Variants in EHMT1 observed in about 807,000 individuals in gnomAD.
EHMT1 encodes histone-lysine N-methyltransferase EHMT1.
Under a neutral mutation model 147.2 loss-of-function variants are expected in EHMT1, and 15 were observed. The ratio of observed to expected loss-of-function variants is 0.10; its 90% CI spans 0.07 to 0.16. The LOEUF is 0.16. Ranked by LOEUF, EHMT1 falls within the 10% of genes least tolerant of loss-of-function variation. EHMT1 has a pLI of 1.00. For missense variants in EHMT1, 1,587 were observed against 1,772.4 expected, an observed-to-expected ratio of 0.90 and a Z score of 1.88; for synonymous variants, 795 against 709.6, an observed-to-expected ratio of 1.12 and a Z score of -1.91.
intron 6 of EHMT1, among the ~76,000 whole-genome samples, chr9:137,750,792 C>T (rs1381949205): frequency 1.3e-5 from 2 of 152,216 alleles, no homozygotes; most frequent in African/African-American, 4.8e-5. Flanking sequence ...GGGACGCTTA[C>T]TCAGGAGCGC....
At chr9:137,688,739 C>A (rs1352714488) in intron 1 of EHMT1, among the ~76,000 whole-genome samples, 1 of 152,168 alleles carries the variant, frequency 6.6e-6, no homozygotes, top group Non-Finnish European at 1.5e-5. Flanking sequence ...TTCTCATGCA[C>A]ACGTTTGTAT....
intron 23 of EHMT1, chr9:137,816,613 G>A (rs1165117448): frequency 1.2e-5 from 2 of 173,250 alleles, no homozygotes; most frequent in East Asian, 1.5e-4. Flanking sequence ...CCTGGATTCT[G>A]GTCTTGAGCA....
chr9:137,781,222 T>C (rs79369805), intron 14 of EHMT1, among the ~76,000 whole-genome samples: 296 of 8,384 alleles, frequency 0.035, 15 homozygotes, highest in East Asian at 0.09. Context: ...GTGACGACGC[T>C]GGGACGTGTG....
intron 16 of EHMT1, among the ~76,000 whole-genome samples, chr9:137,796,192 G>A (rs1015220615): frequency 4.6e-5 from 7 of 152,322 alleles, no homozygotes; most frequent in African/African-American, 1.4e-4. Flanking sequence ...GGCAAATTAC[G>A]AAGCCTGGAA....
chr9:137,631,560 A>AT (rs1489046697), intron 1 of EHMT1, among the ~76,000 whole-genome samples: 2 of 152,152 alleles, frequency 1.3e-5, no homozygotes, highest in Non-Finnish European at 1.5e-5. Context: ...GGCAGACCAC[A>AT]TACATGAAGG....
chr9:137,802,962 AAG>A (rs1953626441), intron 18 of EHMT1: 1 of 1,232,214 alleles, frequency 8.1e-7, no homozygotes, highest in Non-Finnish European at 1.0e-6. Context: ...ACCTTGGAGG[AAG>A]AGAGGAGGGA....
chr9:137,694,075 G>T (rs1262404196), intron 1 of EHMT1, among the ~76,000 whole-genome samples: 2 of 75,344 alleles, frequency 2.7e-5, no homozygotes, highest in African/African-American at 5.6e-5. Context: ...CAGGACGCTG[G>T]CCGATACCCC....
At chr9:137,658,676 G>A (rs182444911) in intron 1 of EHMT1, among the ~76,000 whole-genome samples, 6 of 151,558 alleles carry the variant, frequency 4.0e-5, no homozygotes, top group Non-Finnish European at 7.4e-5. Flanking sequence ...GCAGTGGTGC[G>A]ACGTTGGCTC....
At chr9:137,818,241 T>C (rs1412372918) in intron 25 of EHMT1, 103 bp downstream of exon 25, 1 of 1,303,936 alleles carries the variant, frequency 7.7e-7, no homozygotes, top group Admixed American at 1.7e-5. Context: ...GCTCTTACTG[T>C]TGACAAGAGT....
At chr9:137,689,241 C>T (rs1942727002) in intron 1 of EHMT1, among the ~76,000 whole-genome samples, 1 of 152,174 alleles carries the variant, frequency 6.6e-6, no homozygotes, top group African/African-American at 2.4e-5. Context: ...CAATGGATCC[C>T]ACCTCCTCCT....
chr9:137,682,473 A>G (rs1039184582), intron 1 of EHMT1, among the ~76,000 whole-genome samples: 1 of 152,128 alleles, frequency 6.6e-6, no homozygotes, highest in Non-Finnish European at 1.5e-5. Flanking sequence ...CTTAGCCTGA[A>G]CTAGCCAAGT....
intron 1 of EHMT1, among the ~76,000 whole-genome samples, chr9:137,624,781 A>G (rs1483533750): frequency 6.6e-6 from 1 of 150,510 alleles, no homozygotes; most frequent in Non-Finnish European, 1.5e-5. Flanking sequence ...CTGTTTTTGT[A>G]GAGACAGGGC....
intron 9 of EHMT1, among the ~76,000 whole-genome samples, chr9:137,759,133 A>C (rs1035832522): frequency 1.3e-5 from 2 of 152,188 alleles, no homozygotes; most frequent in African/African-American, 4.8e-5. Flanking sequence ...TCAATTAAAA[A>C]AAAAACAAAA....
At position 137,752,334 on chromosome 9, in the gene EHMT1, G is replaced by T; in HGVS notation, c.1174G>T (p.Asp392Tyr). 6.2e-7 allele frequency: 1 copy of T among 1,614,210 alleles called. No individual in the cohort carries two copies. Residue 392 changes from aspartate to tyrosine, a missense_variant, in exon 7 of 27, where the codon GAC (aspartate) becomes TAC (tyrosine). Physicochemically the swap from Asp to Tyr is radical, Grantham distance 160. This residue lies in a region of EHMT1 where 810 missense variants were observed against 673.0 expected (regional missense o/e 1.20). Coordinates refer to ENST00000460843, the MANE Select transcript of EHMT1 (RefSeq NM_024757.5). ...MSEADRAQKM[D>Y]GESEEEQESV... ...CTTCGACTGTGTGGCTGATCAGATG[G>T]ACGGGGAGTCCGAGGAGGAGCAGGA...
At chr9:137,834,740 C>T in intron 26 of EHMT1, 33 bp from the exon 27 acceptor site, 3 of 1,613,278 alleles carry the variant, frequency 1.9e-6, no homozygotes, top group Non-Finnish European at 2.5e-6. Flanking sequence ...CGGTGGGATT[C>T]GACTTGGAGC....
chr9:137,719,400 G>A (rs895106058), intron 3 of EHMT1, among the ~76,000 whole-genome samples: 1 of 152,106 alleles, frequency 6.6e-6, no homozygotes, highest in African/African-American at 2.4e-5. Context: ...GGGCCGGACT[G>A]CTGGCTCCTC....
At position 137,709,755 on chromosome 9, in the gene EHMT1, C is replaced by T. The variant is rs117805565; in HGVS notation, c.22-1212C>T. ...TCTGACTGGCTGCTCCTAGTGACCT[C>T]GGGCAAGTCTGTGCCTCTCCTCTTC... On this transcript the variant is annotated intron_variant, in intron 1 of 26. Coordinates refer to ENST00000460843, the MANE Select transcript of EHMT1 (RefSeq NM_024757.5). 1.9e-3 allele frequency among the ~76,000 whole-genome samples: 284 copies of T among 152,294 alleles called. 5 individuals carry two copies. The East Asian group carries it at 0.047, about 25-fold the overall frequency.
intron 6 of EHMT1, among the ~76,000 whole-genome samples, chr9:137,748,905 G>A (rs968324012): frequency 1.3e-5 from 2 of 152,138 alleles, no homozygotes; most frequent in African/African-American, 4.8e-5. Flanking sequence ...CACTGAAACA[G>A]TACCCGGTTT....
At chr9:137,701,774 C>T (rs10867052) in intron 1 of EHMT1, among the ~76,000 whole-genome samples, 25,159 of 143,114 alleles carry the variant, frequency 0.18, 2,429 homozygotes, top group Admixed American at 0.32. Flanking sequence ...ATTACAGGCA[C>T]GCGCCACCAT....
Sources: gnomAD v4.1 joint callset for allele counts (sites outside exome capture counted in the v4.1 genomes callset) on GRCh38, gnomAD v4.1.1 for gene constraint, gnomAD v4.1.1 regional missense constraint, MANE v1.5 for transcripts, NCBI Gene and HGNC (gene_info 2026-07-23, HGNC 2026-07-21) for gene names.